The following SPIRE1 variants were observed in gnomAD, a reference collection of about 807,000 sequenced individuals.
The protein encoded by SPIRE1 is protein spire homolog 1.
SPIRE1 carries 40 observed loss-of-function variants against 94.1 expected under a neutral mutation model. That is an observed-to-expected ratio of 0.43 (90% confidence interval 0.33 to 0.55). SPIRE1 has a LOEUF of 0.55. SPIRE1 is among the 20% of genes least tolerant of loss of function. The probability of loss-of-function intolerance (pLI) is 0.06; values close to 1 mark genes in which losing one functional copy is unlikely to be tolerated. For missense variants in SPIRE1, 838 were observed against 975.2 expected (o/e 0.86, Z 1.87); for synonymous variants, 376 against 371.7 (o/e 1.01, Z -0.13).
chr18:12,473,939 A>G (rs1425177391), intron 10 of SPIRE1, among the ~76,000 whole-genome samples: 1 of 152,262 alleles, frequency 6.6e-6, no homozygotes, highest in Non-Finnish European at 1.5e-5. Context: ...TTAAAAGAAT[A>G]TAGAGTTTCT....
intron 12 of SPIRE1, 120 bp downstream of exon 12, chr18:12,463,231 A>G: frequency 9.7e-7 from 1 of 1,027,362 alleles, no homozygotes; most frequent in Non-Finnish European, 1.4e-6. Flanking sequence ...TAAGTAAGTT[A>G]TTCAAAATTC....
chr18:12,653,554 C>T (rs1386586670), intron 1 of SPIRE1: 1 of 152,206 alleles, frequency 6.6e-6, no homozygotes, highest in Non-Finnish European at 1.5e-5. Context: ...AAATTCAAAC[C>T]AAATGTTTCA....
intron 12 of SPIRE1, among the ~76,000 whole-genome samples, chr18:12,461,871 G>A (rs567528822): frequency 2.8e-4 from 43 of 152,250 alleles, no homozygotes; most frequent in Middle Eastern, 3.4e-3. Context: ...GGCCTCAGGC[G>A]ATTCTCCTCC....
chr18:12,600,624 GGAA>G (rs1402939275), intron 2 of SPIRE1, among the ~76,000 whole-genome samples: 2 of 152,118 alleles, frequency 1.3e-5, no homozygotes, highest in African/African-American at 4.8e-5. Flanking sequence ...GGCACTGTAA[GGAA>G]GAACTTTCCT....
At chr18:12,640,355 T>C (rs1567985618) in intron 1 of SPIRE1, among the ~76,000 whole-genome samples, 1 of 152,178 alleles carries the variant, frequency 6.6e-6, no homozygotes, top group East Asian at 1.9e-4. Flanking sequence ...TGAAATTATG[T>C]TCTTTTTCAT....
At chr18:12,592,866 T>C (rs1399481780) in intron 2 of SPIRE1, among the ~76,000 whole-genome samples, 1 of 152,188 alleles carries the variant, frequency 6.6e-6, no homozygotes, top group Non-Finnish European at 1.5e-5. Context: ...AGTCGTTGTT[T>C]TCCTTTCTTT....
chr18:12,481,301 T>A (rs1242953015), intron 9 of SPIRE1, among the ~76,000 whole-genome samples: 2 of 121,910 alleles, frequency 1.6e-5, no homozygotes, highest in African/African-American at 6.1e-5. Context: ...AAGAATGTGC[T>A]GTTTACAGTA....
chr18:12,625,634 C>T (rs1435934158), intron 2 of SPIRE1, among the ~76,000 whole-genome samples: 2 of 152,208 alleles, frequency 1.3e-5, no homozygotes, highest in Non-Finnish European at 2.9e-5. Flanking sequence ...ATTTATGCAG[C>T]TAAAGTTGTG....
intron 10 of SPIRE1, among the ~76,000 whole-genome samples, chr18:12,473,254 T>C (rs561742494): frequency 1.4e-3 from 218 of 152,150 alleles, no homozygotes; most frequent in African/African-American, 4.9e-3. Flanking sequence ...CTTAGCAGTA[T>C]GTATCAAAAG....
intron 2 of SPIRE1, among the ~76,000 whole-genome samples, chr18:12,634,149 G>C (rs970623630): frequency 2.0e-5 from 3 of 152,042 alleles, no homozygotes; most frequent in African/African-American, 7.2e-5. Context: ...CTGGGAGGCT[G>C]GGGCAGGAGA....
rs149400948 is a variant in SPIRE1, at chr18:12,618,720, A to C, written c.372+16342T>G. ...AAAAAACTGTTTTTAAACACACACA[A>C]AAAAATATTTCCACTTGAAATATAA... On this transcript the variant is annotated intron_variant, in intron 2 of 16. Coordinates refer to ENST00000409402, the MANE Select transcript of SPIRE1 (RefSeq NM_001128626.2). Among the ~76,000 whole-genome samples, 764 of 152,308 alleles carry C rather than the reference A, an allele frequency of 5.0e-3. 3 individuals carry two copies. Among genetic ancestry groups the C allele is most frequent in the African/African-American group, 0.014 (586 of 41,544 alleles).
intron 1 of SPIRE1, among the ~76,000 whole-genome samples, chr18:12,649,884 T>G (rs377756721): frequency 6.6e-6 from 1 of 152,182 alleles, no homozygotes; most frequent in East Asian, 1.9e-4. Context: ...CCCAAAACTC[T>G]TGTGACCCCT....
intron 4 of SPIRE1, among the ~76,000 whole-genome samples, chr18:12,520,927 C>A (rs948860489): frequency 6.6e-6 from 1 of 152,168 alleles, no homozygotes; most frequent in Non-Finnish European, 1.5e-5. Flanking sequence ...AGTCATGTCA[C>A]AAACAGGTGT....
intron 2 of SPIRE1, among the ~76,000 whole-genome samples, chr18:12,621,852 A>G (rs11875516): frequency 0.14 from 21,118 of 152,202 alleles, 1,707 homozygotes; most frequent in African/African-American, 0.2. Context: ...TCCTAAAAAA[A>G]TTATTTTTAA....
At chr18:12,561,234 C>G (rs2035673949) in intron 2 of SPIRE1, among the ~76,000 whole-genome samples, 1 of 150,478 alleles carries the variant, frequency 6.6e-6, no homozygotes, top group Non-Finnish European at 1.5e-5. Flanking sequence ...TTAGGTTCTT[C>G]TTTTTAAAAT....
At chr18:12,627,078 T>C (rs967895707) in intron 2 of SPIRE1, among the ~76,000 whole-genome samples, 3 of 151,954 alleles carry the variant, frequency 2.0e-5, no homozygotes, top group Admixed American at 2.0e-4. Flanking sequence ...ATTGTAAAAT[T>C]TTTTTGTTAT....
intron 2 of SPIRE1, among the ~76,000 whole-genome samples, chr18:12,549,796 C>A (rs1408142925): frequency 2.0e-5 from 3 of 151,908 alleles, no homozygotes; most frequent in Non-Finnish European, 4.4e-5. Flanking sequence ...TGTTATATAA[C>A]CCTATCTCTC....
intron 2 of SPIRE1, among the ~76,000 whole-genome samples, chr18:12,596,081 T>A (rs2036663862): frequency 6.6e-6 from 1 of 152,248 alleles, no homozygotes; most frequent in Admixed American, 6.5e-5. Flanking sequence ...GATGGTCTAC[T>A]CCTGTTCTTT....
rs1348288038 is a variant in SPIRE1, at chr18:12,485,838, G to A, written c.1231+121C>T. The A allele has an allele frequency of 7.0e-6, 5 of 712,662 alleles. No individual in the cohort carries two copies. In the Admixed American group the frequency reaches 8.5e-5, roughly 12 times the overall value. The allele number at this position is 712,662 out of a possible 1,614,324, so 44.1% of individuals were successfully genotyped here. ...CAGAATGTTTTATTTTACTGACCAC[G>A]GCTTAGCAGAAGCCTTTCAATTTTC... is the stretch of plus-strand genomic sequence containing the variant. On this transcript the variant is annotated intron_variant, in intron 9 of 16. Transcript: ENST00000409402.
Sources: allele counts gnomAD v4.1 joint callset (sites outside exome capture counted in the v4.1 genomes callset), GRCh38; gene constraint gnomAD v4.1.1; transcripts MANE v1.5; gene names NCBI Gene and HGNC (gene_info 2026-07-23, HGNC 2026-07-21).